CLEC4M: variants seen among roughly 807,000 people sequenced by gnomAD.
CLEC4M encodes C-type lectin domain family 4 member M, also known as CD209 antigen-like protein 1.
In CLEC4M, 25 loss-of-function variants were observed where a neutral mutation model predicts 39.1. That is an observed-to-expected ratio of 0.64 (90% CI 0.47 to 0.89). The LOEUF is 0.89. Among genes scored for constraint, CLEC4M ranks in the 40% least tolerant of loss-of-function variants. The probability of loss-of-function intolerance (pLI) is 0.00; values close to 1 mark genes in which losing one functional copy is unlikely to be tolerated. For synonymous variants in CLEC4M, 155 were observed against 177.4 expected (o/e 0.87, Z 1.00); for missense variants, 353 against 431.4 (o/e 0.82, Z 1.61).
intron 3 of CLEC4M, 115 bp downstream of exon 3, chr19:7,765,383 C>G (rs1355457640): frequency 7.8e-7 from 1 of 1,280,902 alleles, no homozygotes; most frequent in Non-Finnish European, 1.1e-6. Flanking sequence ...AGATGTTGTC[C>G]CTGGGGGTCT....
intron 6 of CLEC4M, 110 bp from the exon 7 acceptor site, chr19:7,768,728 T>C (rs1364333296): frequency 7.7e-7 from 1 of 1,293,656 alleles, no homozygotes; most frequent in South Asian, 1.4e-5. Flanking sequence ...GCAATGCATG[T>C]CCAGCATACA....
chr19:7,765,170 T>G lies in CLEC4M; in HGVS notation c.131-15T>G. 1 of 1,613,728 alleles carries G rather than the reference T, an allele frequency of 6.2e-7. No individual in the cohort carries two copies. The highest frequency in any genetic ancestry group is 1.3e-5 in the African/African-American group (1 of 75,026). On this transcript the variant is annotated splice_polypyrimidine_tract_variant and intron_variant, in intron 2 of 6. Coordinates refer to ENST00000327325, the MANE Select transcript of CLEC4M (RefSeq NM_014257.5). Reference sequence around the variant, plus strand: ...GTGGGAACACTGGCAGGCTGACGCATGTATCCTCTCTCAGGGTGTCTTGGC... The same window carrying G: ...GTGGGAACACTGGCAGGCTGACGCAGGTATCCTCTCTCAGGGTGTCTTGGC...
At chr19:7,767,810 G>T in intron 6 of CLEC4M, 182 bp downstream of exon 6, 1 of 572,002 alleles carries the variant, frequency 1.7e-6, no homozygotes, top group Non-Finnish European at 3.1e-6. Context: ...AAGGTGCCAA[G>T]AATTCCACCA....
Position 7,767,501 on chromosome 19 carries a change from T to A in CLEC4M, c.937-15T>A. On this transcript the variant is annotated splice_polypyrimidine_tract_variant and intron_variant, in intron 5 of 6. Coordinates refer to ENST00000327325, the MANE Select transcript of CLEC4M (RefSeq NM_014257.5). ...GGAAGCAGAGCTCCCTCCTGACTCC[T>A]CCTCTACCCTCCAGAACTTCCTACA... 1 of 1,603,982 alleles carries A rather than the reference T, an allele frequency of 6.2e-7. No homozygotes were observed. Among genetic ancestry groups the A allele is most frequent in the Non-Finnish European group, 8.5e-7 (1 of 1,170,854 alleles).
intron 5 of CLEC4M, 64 bp from the exon 6 acceptor site, chr19:7,767,452 C>T (rs149388152): frequency 3.5e-4 from 447 of 1,259,476 alleles, no homozygotes; most frequent in Non-Finnish European, 4.7e-4. Context: ...TGCCAAGAGA[C>T]GGGGAGGTGG....
At chr19:7,765,105 G>T (rs1469811652) in intron 2 of CLEC4M, 80 bp from the exon 3 acceptor site, 20 of 1,488,876 alleles carry the variant, frequency 1.3e-5, no homozygotes, top group Non-Finnish European at 1.4e-5. Context: ...GTCCTGGGGT[G>T]CTGAGGGATT....
chr19:7,765,347 T>C, intron 3 of CLEC4M, 79 bp downstream of exon 3: 1 of 1,521,518 alleles, frequency 6.6e-7, no homozygotes, highest in Non-Finnish European at 9.1e-7. Flanking sequence ...TGGCCAGGTC[T>C]GGGAGGGAGG....
chr19:7,769,108 C>A lies in CLEC4M; in HGVS notation c.*120C>A, dbSNP rs1045998. The A allele has an allele frequency of 1.0e-6, 1 of 1,004,820 alleles. No homozygotes were observed. The highest frequency in any genetic ancestry group is 1.5e-6 in the Non-Finnish European group (1 of 688,546). 62.2% of individuals were successfully genotyped at this position (1,004,820 alleles called of 1,614,324 possible). A position where few individuals can be genotyped will look rare whatever the true frequency, so the allele number is the denominator to read the frequency against. On this transcript the variant is annotated 3_prime_UTR_variant, in exon 7 of 7. Transcript: ENST00000327325. ...AAATGCCCTGAGACGGTTCTCTGTTCGATTTTTCATCCCCTATGAACCTGG... is the reference window on the plus strand; with the variant it reads ...AAATGCCCTGAGACGGTTCTCTGTTAGATTTTTCATCCCCTATGAACCTGG...
Position 7,767,369 on chromosome 19 carries a change from G to A in CLEC4M, c.937-147G>A, listed in dbSNP as rs1463336452. 8 of 617,100 alleles carry A rather than the reference G, an allele frequency of 1.3e-5. 1 individual carries two copies. The highest frequency in any genetic ancestry group is 4.4e-4 in the Middle Eastern group (1 of 2,292). The allele number at this position is 617,100 out of a possible 1,614,324, so 38.2% of individuals were successfully genotyped here. On this transcript the variant is annotated intron_variant, in intron 5 of 6. Transcript: ENST00000327325. The stretch of plus-strand genomic sequence containing the variant: ...ATGCCATGGGGATACAGATGTGAGA[G>A]GGGCTCAGACATGAGGAGGCTCAGG...
In CLEC4M at chr19:7,763,452, A is replaced by T. The variant is rs2034103884; in HGVS notation, c.106A>T (p.Ile36Leu). The T allele has an allele frequency of 6.2e-7, 1 of 1,613,950 alleles. No homozygotes were observed. The highest frequency in any genetic ancestry group is 1.3e-5 in the African/African-American group (1 of 74,910). ...TCCAAGAGACTTTCAATTCCAGCAG[A>T]TACATGGCCACAAGAGCTCTACAGG... ...LFPRDFQFQQ[I>L]HGHKSSTGCL... The change falls in exon 2 of 7, where the codon ATA (isoleucine) becomes TTA (leucine). Residue 36 changes from isoleucine to leucine, a missense_variant. By Grantham distance (5) the Ile-to-Leu change is conservative (BLOSUM62 2). Coordinates refer to ENST00000327325, the MANE Select transcript of CLEC4M (RefSeq NM_014257.5).
intron 5 of CLEC4M, 109 bp from the exon 6 acceptor site, chr19:7,767,407 A>G: frequency 1.3e-6 from 1 of 774,718 alleles, no homozygotes; most frequent in Non-Finnish European, 2.2e-6. Context: ...CTGCTATATC[A>G]GAAAACTGCA....
Position 7,766,789 on chromosome 19 carries a change from C to A in CLEC4M, c.918C>A (p.Ile306=), listed in dbSNP as rs774781553. The change falls in exon 5 of 7, where the codon ATC becomes ATA. Residue 306 remains isoleucine, a synonymous_variant. Coordinates refer to ENST00000327325, the MANE Select transcript of CLEC4M (RefSeq NM_014257.5). ...CQEVRAQLVV[I]KTAEEQNFLQ... is the part of the protein sequence containing the mutation. ...AAGTGAGGGCCCAGCTCGTCGTAAT[C>A]AAAACTGCTGAGGAGCAGGTACACG... is the stretch of plus-strand genomic sequence containing the variant. 3.1e-6 allele frequency: 5 copies of A among 1,614,202 alleles called. No homozygotes were observed. The highest frequency in any genetic ancestry group is 3.3e-4 in the Middle Eastern group (2 of 6,062).
chr19:7,763,800 G>A (rs562312476), intron 2 of CLEC4M, among the ~76,000 whole-genome samples: 10 of 151,432 alleles, frequency 6.6e-5, no homozygotes, highest in African/African-American at 2.4e-4. Context: ...AACCAGAGGA[G>A]GTGGGAGAAG....
At chr19:7,767,650 C>A in intron 6 of CLEC4M, 22 bp downstream of exon 6, 2 of 1,600,034 alleles carry the variant, frequency 1.2e-6, no homozygotes, top group Non-Finnish European at 1.7e-6. Context: ...GAGAAAGGGA[C>A]ACTGTATCCA....
chr19:7,766,467 T>C (rs969318442), intron 4 of CLEC4M, 189 bp from the exon 5 acceptor site: 1 of 1,455,596 alleles, frequency 6.9e-7, no homozygotes, highest in Non-Finnish European at 9.0e-7. Flanking sequence ...CCAGGACTCC[T>C]GGGTTCTCCT....
chr19:7,765,422 A>C (rs756229634), intron 3 of CLEC4M, 154 bp downstream of exon 3: 3 of 1,122,370 alleles, frequency 2.7e-6, no homozygotes, highest in African/African-American at 1.6e-5. Flanking sequence ...GCCCCTCCCC[A>C]CTCTAGAGCA....
At position 7,766,613 on chromosome 19, in the gene CLEC4M, A is replaced by G. The variant is rs747216154; in HGVS notation, c.785-43A>G. On this transcript the variant is annotated intron_variant, in intron 4 of 6. Transcript: ENST00000327325. ...AGGCTGGGCAGATATGGGAATATGG[A>G]CAACCTAATCTGAGCCCAGCCCTGA... The G allele has an allele frequency of 6.2e-6, 10 of 1,612,382 alleles. No homozygotes were observed. The South Asian group carries it at 7.7e-5, about 12-fold the overall frequency.
At chr19:7,766,315 A>C in intron 4 of CLEC4M, 108 bp downstream of exon 4, 1 of 1,539,210 alleles carries the variant, frequency 6.5e-7, no homozygotes, top group Non-Finnish European at 8.7e-7. Flanking sequence ...CCCCTGTGAA[A>C]TGAGAACACG....
rs200921491 is a variant in CLEC4M, at chr19:7,765,169, A to G, written c.131-16A>G. 6.2e-7 allele frequency: 1 copy of G among 1,613,764 alleles called. No individual in the cohort carries two copies. The highest frequency in any genetic ancestry group is 1.1e-5 in the South Asian group (1 of 91,068). ...GGTGGGAACACTGGCAGGCTGACGC[A>G]TGTATCCTCTCTCAGGGTGTCTTGG... On this transcript the variant is annotated splice_polypyrimidine_tract_variant and intron_variant, in intron 2 of 6. Coordinates refer to ENST00000327325, the MANE Select transcript of CLEC4M (RefSeq NM_014257.5).
Sources: gnomAD v4.1 joint callset for allele counts (sites outside exome capture counted in the v4.1 genomes callset) on GRCh38, gnomAD v4.1.1 for gene constraint, MANE v1.5 for transcripts, NCBI Gene and HGNC (gene_info 2026-07-23, HGNC 2026-07-21) for gene names.